The following DUSP22 variants were observed in gnomAD, a reference collection of about 807,000 sequenced individuals.
DUSP22 encodes dual specificity protein phosphatase 22.
DUSP22 carries 24 observed loss-of-function variants against 24.5 expected under a neutral mutation model. That is an observed-to-expected ratio of 0.98 (90% CI 0.71 to 1.38). The LOEUF (loss-of-function observed/expected upper bound fraction) is 1.38. Among genes scored for constraint, DUSP22 ranks in the 40% most tolerant of loss-of-function variants. DUSP22 has a pLI of 0.00. For synonymous variants in DUSP22, 160 were observed against 106.4 expected (o/e 1.50, Z -3.10); for missense variants, 330 against 269.2 (o/e 1.23, Z -1.58).
intron 3 of DUSP22, among the ~76,000 whole-genome samples, chr6:314,148 T>TC (rs1758231521): frequency 6.6e-6 from 1 of 152,298 alleles, no homozygotes; most frequent in Admixed American, 6.5e-5. Flanking sequence ...GGGGAGACTG[T>TC]GCGAGGTCAA....
intron 5 of DUSP22, among the ~76,000 whole-genome samples, chr6:347,826 A>G (rs1054352569): frequency 3.3e-5 from 5 of 152,302 alleles, no homozygotes; most frequent in Non-Finnish European, 7.3e-5. Flanking sequence ...GGAGGGGCTG[A>G]GGAGCAAGGG....
At chr6:329,727 C>G (rs1759056557) in intron 3 of DUSP22, among the ~76,000 whole-genome samples, 1 of 152,312 alleles carries the variant, frequency 6.6e-6, no homozygotes. Context: ...GCTGGGATTG[C>G]AGGCATGAGC....
intron 4 of DUSP22, among the ~76,000 whole-genome samples, chr6:343,777 G>A (rs1156307620): frequency 3.4e-5 from 4 of 116,964 alleles, no homozygotes; most frequent in Admixed American, 8.6e-5. Flanking sequence ...CCGTGAGGTC[G>A]CTGAGTTTCT....
intron 3 of DUSP22, among the ~76,000 whole-genome samples, chr6:324,679 C>T (rs1394473747): frequency 6.6e-6 from 1 of 152,308 alleles, no homozygotes; most frequent in African/African-American, 2.4e-5. Flanking sequence ...CAGTGTTTGC[C>T]TCTTTCTCAA....
intron 1 of DUSP22, among the ~76,000 whole-genome samples, chr6:297,119 G>A (rs1207182269): frequency 1.3e-5 from 2 of 152,296 alleles, no homozygotes; most frequent in Non-Finnish European, 2.9e-5. Context: ...TGCTTCATGG[G>A]TGTGATCCTG....
rs1328420815 is a variant in DUSP22 at position 349,563 on chromosome 6, G to A, written c.*612G>A. On this transcript the variant is annotated 3_prime_UTR_variant, in exon 7 of 7. Coordinates refer to ENST00000419235, the MANE Select transcript of DUSP22 (RefSeq NM_001286555.3). ...GCCTCTCCCAGAACCCACCCAGGGTGGTGTGGTGGGGGCAACAGGGGCCAG... is the reference window on the plus strand; with the variant it reads ...GCCTCTCCCAGAACCCACCCAGGGTAGTGTGGTGGGGGCAACAGGGGCCAG... 4 of 989,124 alleles carry A rather than the reference G, an allele frequency of 4.0e-6. No homozygotes were observed. Among genetic ancestry groups the A allele is most frequent in the Non-Finnish European group, 4.8e-6 (4 of 832,808 alleles). The allele number at this position is 989,124 out of a possible 1,614,324, so 61.3% of individuals were successfully genotyped here.
At chr6:322,836 G>C (rs949312374) in intron 3 of DUSP22, among the ~76,000 whole-genome samples, 27 of 2,324 alleles carry the variant, frequency 0.012, no homozygotes, top group South Asian at 0.1. Context: ...TTGGTGGGGC[G>C]GGGGGGGGCC....
At chr6:344,972 G>A (rs1163800384) in intron 4 of DUSP22, among the ~76,000 whole-genome samples, 10 of 152,420 alleles carry the variant, frequency 6.6e-5, no homozygotes, top group African/African-American at 1.4e-4. Flanking sequence ...GAGGGGCTCC[G>A]ATTGAACATG....
rs373816873 is a variant in DUSP22, at chr6:348,194, C to T, written c.355C>T (p.Arg119Cys). ...FGWEDALHTV[R>C]AGRSCANPNV... ...CTGGGAGGATGCCCTGCACACCGTG[C>T]GTGCTGGGAGATCCTGTGCCAACCC... The change falls in exon 6 of 7, where the codon CGT becomes TGT. Residue 119 changes from arginine to cysteine, a missense_variant. Physicochemically the swap from Arg to Cys is radical, Grantham distance 180. Transcript: ENST00000419235. 53 of 1,614,270 alleles carry T rather than the reference C, an allele frequency of 3.3e-5. No individual in the cohort carries two copies. The highest frequency in any genetic ancestry group is 3.3e-4 in the Middle Eastern group (2 of 6,062).
chr6:329,467 T>G (rs9328126), intron 3 of DUSP22, among the ~76,000 whole-genome samples: 13,672 of 148,648 alleles, frequency 0.092, 39 homozygotes, highest in East Asian at 0.31. Flanking sequence ...ATCTTTGCTT[T>G]TTTTTGAGAC....
At position 350,762 on chromosome 6, in the gene DUSP22, T is replaced by G; in HGVS notation, c.*1811T>G. 6.2e-7 allele frequency: 1 copy of G among 1,614,072 alleles called. No individual in the cohort carries two copies. ...CACCTTTACAAACCTCTCAGTGTATTCTTGGAGTTCTTGAAATGTTGTTTT... is the reference window on the plus strand; with the variant it reads ...CACCTTTACAAACCTCTCAGTGTATGCTTGGAGTTCTTGAAATGTTGTTTT... On this transcript the variant is annotated 3_prime_UTR_variant, in exon 7 of 7. Coordinates refer to ENST00000419235, the MANE Select transcript of DUSP22 (RefSeq NM_001286555.3).
chr6:292,940 CG>C (rs1757161606), intron 1 of DUSP22, among the ~76,000 whole-genome samples: 1 of 152,220 alleles, frequency 6.6e-6, no homozygotes, highest in Non-Finnish European at 1.5e-5. Flanking sequence ...AAGCCACCAC[CG>C]CCCCCCCCAC....
intron 1 of DUSP22, among the ~76,000 whole-genome samples, chr6:299,942 G>A (rs1023127347): frequency 5.9e-5 from 9 of 152,298 alleles, no homozygotes; most frequent in African/African-American, 2.2e-4. Context: ...TGTTCACATT[G>A]TCTGTTTGTT....
chr6:342,357 C>A (rs1759648745), intron 4 of DUSP22, among the ~76,000 whole-genome samples: 1 of 152,308 alleles, frequency 6.6e-6, no homozygotes, highest in Non-Finnish European at 1.5e-5. Flanking sequence ...CGTCTTGGCA[C>A]CCTTGGGGGG....
At chr6:311,685 A>AT (rs1317059323) in intron 2 of DUSP22, among the ~76,000 whole-genome samples, 195 bp from the exon 3 acceptor site, 1 of 152,260 alleles carries the variant, frequency 6.6e-6, no homozygotes, top group African/African-American at 2.4e-5. Context: ...GTCTCAAAAA[A>AT]AAACAAAAGA....
chr6:329,736 G>A (rs563588041), intron 3 of DUSP22, among the ~76,000 whole-genome samples: 17 of 152,420 alleles, frequency 1.1e-4, no homozygotes, highest in African/African-American at 3.1e-4. Context: ...GCAGGCATGA[G>A]CCACCATGCC....
At chr6:311,264 G>A (rs1758074132) in intron 2 of DUSP22, among the ~76,000 whole-genome samples, 1 of 152,310 alleles carries the variant, frequency 6.6e-6, no homozygotes, top group Non-Finnish European at 1.5e-5. Flanking sequence ...AAGGGGGAGG[G>A]AGAGGAGACT....
rs866128567 is a variant in DUSP22 at position 309,827 on chromosome 6, C to T, written c.56-2053C>T. Among the ~76,000 whole-genome samples the T allele has an allele frequency of 6.6e-5, 10 of 152,304 alleles. No homozygotes were observed. In the East Asian group the frequency reaches 7.7e-4, roughly 12 times the overall value. The stretch of plus-strand genomic sequence containing the variant: ...ATGTGTTTGTCTCTGCATTTTTATA[C>T]GTTGGGTTTGTGTCATATTTATGGT... On this transcript the variant is annotated intron_variant, in intron 2 of 6. Transcript: ENST00000419235.
chr6:349,053 G>C lies in DUSP22; in HGVS notation c.*102G>C. ...CCGATGAGGACAGGAAAGGGAGATA[G>C]CCAGGGCGAGGTGGGGCGAGGGCTC... On this transcript the variant is annotated 3_prime_UTR_variant, in exon 7 of 7. Transcript: ENST00000419235. 7 of 1,497,770 alleles carry C rather than the reference G, an allele frequency of 4.7e-6. No homozygotes were observed. Among genetic ancestry groups the C allele is most frequent in the Non-Finnish European group, 6.2e-6 (7 of 1,122,426 alleles). 92.8% of individuals were successfully genotyped at this position (1,497,770 alleles called of 1,614,324 possible).
Sources: allele counts gnomAD v4.1 joint callset (sites outside exome capture counted in the v4.1 genomes callset), GRCh38; gene constraint gnomAD v4.1.1; transcripts MANE v1.5; gene names NCBI Gene and HGNC (gene_info 2026-07-23, HGNC 2026-07-21).